TBC1D5: variants seen among roughly 807,000 people sequenced by gnomAD.
The protein encoded by TBC1D5 is TBC1 domain family, member 5.
In TBC1D5, 75 loss-of-function variants were observed where a neutral mutation model predicts 100.3. That is an observed-to-expected ratio of 0.75 (90% CI 0.62 to 0.91). The LOEUF (loss-of-function observed/expected upper bound fraction) is 0.91, where lower values mean the gene tolerates loss of function less well. TBC1D5 is among the 40% of genes least tolerant of loss of function. The pLI is 0.00. For missense variants in TBC1D5, 910 were observed against 942.4 expected (o/e 0.97, Z 0.45); for synonymous variants, 323 against 325.6 (o/e 0.99, Z 0.09).
intron 2 of TBC1D5, among the ~76,000 whole-genome samples, chr3:17,577,554 T>C (rs2153523834): frequency 6.6e-6 from 1 of 152,034 alleles, no homozygotes; most frequent in East Asian, 1.9e-4. Context: ...TTGAAATTTA[T>C]ACATTTAAAA....
At chr3:17,392,457 C>T (rs1366219958) in intron 8 of TBC1D5, among the ~76,000 whole-genome samples, 3 of 152,008 alleles carry the variant, frequency 2.0e-5, no homozygotes. Flanking sequence ...TGGTGGTTTG[C>T]TGCACACTTC....
chr3:17,591,264 A>AAAAAAAC (rs1560228217), intron 2 of TBC1D5, among the ~76,000 whole-genome samples: 2 of 110,694 alleles, frequency 1.8e-5, no homozygotes, highest in Non-Finnish European at 3.7e-5. Context: ...AAAAAAAAAA[A>AAAAAAAC]AACAAAAACC....
chr3:17,486,532 G>A (rs904455410), intron 3 of TBC1D5, among the ~76,000 whole-genome samples: 4 of 152,132 alleles, frequency 2.6e-5, no homozygotes, highest in African/African-American at 9.7e-5. Context: ...ATGAGTAGTA[G>A]TGACACCAAT....
rs564215831 is a variant in TBC1D5, at chr3:17,427,228, T to C, written c.167+1222A>G. Among the ~76,000 whole-genome samples the C allele has an allele frequency of 1.0e-3, 159 of 152,074 alleles. 1 individual carries two copies. The highest frequency in any genetic ancestry group is 3.7e-3 in the African/African-American group (154 of 41,550). ...GTGATAACACCCTTCTAGAACACCA[T>C]GGAACATAAGCCTTTTGTAGTATCT... is the stretch of plus-strand genomic sequence containing the variant. On this transcript the variant is annotated intron_variant, in intron 4 of 21. Transcript: ENST00000253692.
At chr3:17,623,290 C>T (rs2062818765) in intron 2 of TBC1D5, among the ~76,000 whole-genome samples, 1 of 152,160 alleles carries the variant, frequency 6.6e-6, no homozygotes, top group Non-Finnish European at 1.5e-5. Context: ...TATGTACAGA[C>T]CATAGTTTGG....
intron 3 of TBC1D5, among the ~76,000 whole-genome samples, chr3:17,431,220 T>C (rs1249338247): frequency 2.0e-5 from 3 of 152,074 alleles, no homozygotes; most frequent in African/African-American, 7.2e-5. Flanking sequence ...AACTAAGTTG[T>C]CAGGTAGCCG....
intron 2 of TBC1D5, among the ~76,000 whole-genome samples, chr3:17,539,399 G>A (rs759767570): frequency 1.4e-4 from 21 of 152,228 alleles, no homozygotes; most frequent in Middle Eastern, 3.4e-3. Context: ...GAAAGAGAAA[G>A]GCATTCTCTA....
At chr3:17,179,635 T>C (rs1300449050) in intron 19 of TBC1D5, among the ~76,000 whole-genome samples, 1 of 152,216 alleles carries the variant, frequency 6.6e-6, no homozygotes, top group Non-Finnish European at 1.5e-5. Context: ...TTCCTGGGCC[T>C]TGGCTTCCTC....
intron 2 of TBC1D5, among the ~76,000 whole-genome samples, chr3:17,512,934 C>G (rs142920290): frequency 1.3e-5 from 2 of 152,278 alleles, no homozygotes; most frequent in Non-Finnish European, 2.9e-5. Flanking sequence ...AAGACTTCTT[C>G]TGCAAATAGT....
At chr3:17,424,317 G>C (rs999939552) in intron 4 of TBC1D5, among the ~76,000 whole-genome samples, 2 of 152,172 alleles carry the variant, frequency 1.3e-5, no homozygotes, top group African/African-American at 2.4e-5. Flanking sequence ...TTTTGGCGAG[G>C]AGAAGGTCAG....
chr3:17,719,158 T>C (rs901010320), intron 1 of TBC1D5, among the ~76,000 whole-genome samples: 1 of 152,178 alleles, frequency 6.6e-6, no homozygotes, highest in Non-Finnish European at 1.5e-5. Flanking sequence ...TAATGGCTAT[T>C]TAAGACAAAA....
intron 3 of TBC1D5, among the ~76,000 whole-genome samples, chr3:17,430,332 A>G (rs1351078101): frequency 1.3e-5 from 2 of 151,824 alleles, no homozygotes; most frequent in Admixed American, 6.6e-5. Flanking sequence ...CCAATAGAAT[A>G]GTTCTTCCTT....
At chr3:17,546,551 C>T (rs1194727326) in intron 2 of TBC1D5, among the ~76,000 whole-genome samples, 2 of 151,666 alleles carry the variant, frequency 1.3e-5, no homozygotes, top group African/African-American at 4.8e-5. Flanking sequence ...ATTGCCTGAG[C>T]TCAGGAGTTT....
chr3:17,693,446 G>A (rs1005928397), intron 1 of TBC1D5, among the ~76,000 whole-genome samples: 3 of 152,212 alleles, frequency 2.0e-5, no homozygotes, highest in South Asian at 2.1e-4. Flanking sequence ...TGCCTGGCTC[G>A]GTGGTTCCCA....
At chr3:17,328,221 G>A (rs1272416558) in intron 13 of TBC1D5, among the ~76,000 whole-genome samples, 1 of 151,818 alleles carries the variant, frequency 6.6e-6, no homozygotes. Context: ...AGTGAGCCAT[G>A]AACAGGCCAC....
At chr3:17,288,729 T>C (rs2081413633) in intron 15 of TBC1D5, among the ~76,000 whole-genome samples, 1 of 152,132 alleles carries the variant, frequency 6.6e-6, no homozygotes, top group Non-Finnish European at 1.5e-5. Flanking sequence ...CATCACTCAA[T>C]AAGATATTTC....
chr3:17,642,872 T>C (rs992404596), intron 1 of TBC1D5, among the ~76,000 whole-genome samples: 6 of 152,178 alleles, frequency 3.9e-5, no homozygotes, highest in African/African-American at 1.4e-4. Flanking sequence ...TTTATACTTA[T>C]AGAAAGGTTG....
At chr3:17,686,998 G>A (rs1272934317) in intron 1 of TBC1D5, among the ~76,000 whole-genome samples, 1 of 152,128 alleles carries the variant, frequency 6.6e-6, no homozygotes, top group Non-Finnish European at 1.5e-5. Flanking sequence ...GTTAATAGAT[G>A]TAGAGTCTTT....
chr3:17,391,395 T>G (rs1009456653), intron 8 of TBC1D5, among the ~76,000 whole-genome samples: 1 of 152,060 alleles, frequency 6.6e-6, no homozygotes, highest in African/African-American at 2.4e-5. Context: ...TGCAATCTCA[T>G]GAAACACTCC....
Sources: allele counts gnomAD v4.1 joint callset (sites outside exome capture counted in the v4.1 genomes callset), GRCh38; gene constraint gnomAD v4.1.1; transcripts MANE v1.5; gene names NCBI Gene and HGNC (gene_info 2026-07-23, HGNC 2026-07-21).